Variants in DCTN6 observed in about 807,000 individuals in gnomAD.
The protein encoded by DCTN6 is dynactin subunit 6, also known as dynactin 6.
In DCTN6, 15 loss-of-function variants were observed where a neutral mutation model predicts 25.8. The ratio of observed to expected loss-of-function variants is 0.58; its 90% confidence interval spans 0.39 to 0.89. The LOEUF (loss-of-function observed/expected upper bound fraction) is 0.89. Ranked by LOEUF, DCTN6 falls within the 40% of genes least tolerant of loss-of-function variation. DCTN6 has a pLI of 0.00. For synonymous variants in DCTN6, 64 were observed against 78.3 expected (o/e 0.82, Z 0.96); for missense variants, 198 against 237.6 (o/e 0.83, Z 1.09).
At chr8:30,169,851 C>T (rs900958799) in intron 2 of DCTN6, among the ~76,000 whole-genome samples, 2 of 152,188 alleles carry the variant, frequency 1.3e-5, no homozygotes, top group African/African-American at 4.8e-5. Context: ...TTATCCGCAT[C>T]ATTCACGGAA....
chr8:30,175,907 G>T (rs1412445138), intron 3 of DCTN6, among the ~76,000 whole-genome samples: 1 of 152,108 alleles, frequency 6.6e-6, no homozygotes, highest in Non-Finnish European at 1.5e-5. Flanking sequence ...GCTTACTTAG[G>T]ATTTAAAATA....
chr8:30,182,841 A>T (rs943211683), intron 6 of DCTN6, among the ~76,000 whole-genome samples: 1 of 152,060 alleles, frequency 6.6e-6, no homozygotes, highest in Non-Finnish European at 1.5e-5. Context: ...CAGCCTCCTG[A>T]GTAGCTATGA....
chr8:30,156,855 C>T (rs1490436527), intron 1 of DCTN6, among the ~76,000 whole-genome samples: 3 of 152,170 alleles, frequency 2.0e-5, no homozygotes, highest in Admixed American at 1.3e-4. Flanking sequence ...CACCCCAGGC[C>T]CTTCCTGTCT....
At chr8:30,164,046 C>T (rs377474323) in intron 1 of DCTN6, 65 bp from the exon 2 acceptor site, 166 of 1,361,876 alleles carry the variant, frequency 1.2e-4, no homozygotes, top group South Asian at 1.5e-4. Flanking sequence ...TACAATGTCA[C>T]GGTAGCTCCT....
chr8:30,156,735 G>T (rs1018138821), intron 1 of DCTN6, among the ~76,000 whole-genome samples: 11 of 152,180 alleles, frequency 7.2e-5, no homozygotes, highest in African/African-American at 2.4e-4. Flanking sequence ...CCTGGGGAAG[G>T]CCGGCTCCCT....
chr8:30,161,668 A>G (rs1220887349), intron 1 of DCTN6, among the ~76,000 whole-genome samples: 4 of 151,888 alleles, frequency 2.6e-5, no homozygotes, highest in Non-Finnish European at 4.4e-5. Flanking sequence ...AGAGGTTTTT[A>G]CTTTGTTACT....
chr8:30,182,603 TA>T (rs567422029), intron 6 of DCTN6, among the ~76,000 whole-genome samples: 31 of 143,554 alleles, frequency 2.2e-4, no homozygotes, highest in Admixed American at 3.5e-4. Context: ...CCTTATAAAT[TA>T]AAAAAAAAAA....
intron 4 of DCTN6, among the ~76,000 whole-genome samples, chr8:30,178,726 C>T (rs886673672): frequency 2.6e-5 from 4 of 152,098 alleles, no homozygotes; most frequent in African/African-American, 9.7e-5. Context: ...GTGGCACAAT[C>T]ATAGCTTACT....
intron 6 of DCTN6, among the ~76,000 whole-genome samples, chr8:30,182,571 G>A (rs1274338072): frequency 2.0e-5 from 3 of 149,706 alleles, no homozygotes; most frequent in African/African-American, 7.4e-5. Context: ...GCTTTTTCTT[G>A]TAACCAAACT....
chr8:30,158,758 C>T (rs1803559407), intron 1 of DCTN6, among the ~76,000 whole-genome samples: 1 of 119,414 alleles, frequency 8.4e-6, no homozygotes, highest in African/African-American at 3.1e-5. Context: ...GCAGTGAAAG[C>T]TTTGCACCAT....
At chr8:30,175,056 A>G (rs1285113976) in intron 2 of DCTN6, 29 bp from the exon 3 acceptor site, 1 of 1,606,698 alleles carries the variant, frequency 6.2e-7, no homozygotes, top group South Asian at 1.1e-5. Flanking sequence ...GCCTCCACCA[A>G]TAATTTCTTC....
chr8:30,175,028 C>A, intron 2 of DCTN6, 57 bp from the exon 3 acceptor site: 1 of 1,538,174 alleles, frequency 6.5e-7, no homozygotes, highest in Non-Finnish European at 8.9e-7. Context: ...CACCTTCCAC[C>A]CTTCTGTTGG....
intron 2 of DCTN6, among the ~76,000 whole-genome samples, chr8:30,174,287 G>GTT (rs1803802154): frequency 1.3e-5 from 2 of 151,912 alleles, no homozygotes; most frequent in Admixed American, 1.3e-4. Flanking sequence ...GAACAAAGCT[G>GTT]TTAGATCCCA....
At chr8:30,170,426 T>C (rs1803748806) in intron 2 of DCTN6, among the ~76,000 whole-genome samples, 1 of 152,180 alleles carries the variant, frequency 6.6e-6, no homozygotes, top group African/African-American at 2.4e-5. Flanking sequence ...AGGTGGTGTC[T>C]AAATCACTGG....
chr8:30,172,504 G>A (rs568987043), intron 2 of DCTN6, among the ~76,000 whole-genome samples: 4 of 151,830 alleles, frequency 2.6e-5, no homozygotes, highest in Admixed American at 1.3e-4. Flanking sequence ...AGGCTGGGGT[G>A]CAGTCATGTG....
chr8:30,175,235 G>A (rs1421249956), intron 3 of DCTN6, 45 bp downstream of exon 3: 3 of 1,547,786 alleles, frequency 1.9e-6, no homozygotes, highest in Non-Finnish European at 2.7e-6. Context: ...ATGGGTAACG[G>A]TTTTTCTTAA....
intron 3 of DCTN6, among the ~76,000 whole-genome samples, chr8:30,175,895 A>G (rs948012102): frequency 6.6e-6 from 1 of 152,226 alleles, no homozygotes; most frequent in African/African-American, 2.4e-5. Context: ...GACTGATTTA[A>G]TGCTTACTTA....
intron 1 of DCTN6, among the ~76,000 whole-genome samples, chr8:30,156,623 TG>T (rs560126915): frequency 1.5e-3 from 228 of 152,106 alleles, no homozygotes; most frequent in Non-Finnish European, 2.1e-3. Context: ...GGAAGGTTTT[TG>T]TTCCTGTCTG....
intron 6 of DCTN6, among the ~76,000 whole-genome samples, chr8:30,181,419 A>T (rs895641741): frequency 6.6e-6 from 1 of 152,210 alleles, no homozygotes; most frequent in Admixed American, 6.5e-5. Flanking sequence ...TGGCTTGAGA[A>T]ATTATCTCCT....
Sources: allele counts gnomAD v4.1 joint callset (sites outside exome capture counted in the v4.1 genomes callset), GRCh38; gene constraint gnomAD v4.1.1; transcripts MANE v1.5; gene names NCBI Gene and HGNC (gene_info 2026-07-23, HGNC 2026-07-21).